Variants in SH2D4B observed in about 807,000 individuals in gnomAD.
SH2D4B encodes the protein SH2 domain-containing protein 4B.
Under a neutral mutation model 61.5 loss-of-function variants are expected in SH2D4B, and 45 were observed. That is an observed-to-expected ratio of 0.73 (90% CI 0.58 to 0.94). The LOEUF (loss-of-function observed/expected upper bound fraction) is 0.94. Ranked by LOEUF, SH2D4B falls within the 40% of genes least tolerant of loss-of-function variation. SH2D4B has a pLI of 0.00. For missense variants in SH2D4B, 572 were observed against 574.2 expected (o/e 1.00, Z 0.04); for synonymous variants, 224 against 220.4 (o/e 1.02, Z -0.14).
intron 6 of SH2D4B, among the ~76,000 whole-genome samples, chr10:80,615,160 G>T (rs549717763): frequency 2.0e-5 from 3 of 152,352 alleles, no homozygotes; most frequent in African/African-American, 7.2e-5. Context: ...GGTTGGACAG[G>T]CTGGCTGCTG....
chr10:80,625,815 C>T (rs1842762693), intron 6 of SH2D4B, among the ~76,000 whole-genome samples: 2 of 152,000 alleles, frequency 1.3e-5, no homozygotes, highest in Admixed American at 1.3e-4. Flanking sequence ...CTCAAGTGAT[C>T]TGCCCACCTC....
intron 1 of SH2D4B, among the ~76,000 whole-genome samples, chr10:80,544,593 G>A (rs117652985): frequency 1.5e-3 from 225 of 152,334 alleles, no homozygotes; most frequent in Middle Eastern, 3.4e-3. Context: ...CTTGGCTTCC[G>A]TGTGTCCTCT....
At chr10:80,561,962 T>C (rs532044627) in intron 1 of SH2D4B, among the ~76,000 whole-genome samples, 2 of 152,116 alleles carry the variant, frequency 1.3e-5, no homozygotes, top group East Asian at 3.9e-4. Flanking sequence ...ATCCACCTGC[T>C]TTCTATTAAG....
intron 4 of SH2D4B, among the ~76,000 whole-genome samples, chr10:80,591,288 A>G (rs1842323168): frequency 6.6e-6 from 1 of 152,070 alleles, no homozygotes; most frequent in Non-Finnish European, 1.5e-5. Flanking sequence ...TTTCTGGGTC[A>G]TATGGTATCT....
At chr10:80,641,161 C>T (rs549469317) in intron 7 of SH2D4B, among the ~76,000 whole-genome samples, 1 of 152,200 alleles carries the variant, frequency 6.6e-6, no homozygotes, top group Non-Finnish European at 1.5e-5. Flanking sequence ...TCCTTCCTCT[C>T]GAAGTTTCAT....
At chr10:80,611,595 T>G (rs1475904974) in intron 6 of SH2D4B, among the ~76,000 whole-genome samples, 1 of 152,170 alleles carries the variant, frequency 6.6e-6, no homozygotes, top group African/African-American at 2.4e-5. Flanking sequence ...ACCACTGTGC[T>G]TTTTCTTCAG....
At chr10:80,541,018 G>A (rs1177570772) in intron 1 of SH2D4B, 3 of 993,764 alleles carry the variant, frequency 3.0e-6, no homozygotes, top group Non-Finnish European at 1.6e-6. Flanking sequence ...GATAGGAAAG[G>A]CAAGAAACTG....
At chr10:80,598,610 G>C (rs1198997347) in intron 4 of SH2D4B, among the ~76,000 whole-genome samples, 1 of 152,098 alleles carries the variant, frequency 6.6e-6, no homozygotes, top group African/African-American at 2.4e-5. Flanking sequence ...AGCAGTTTTT[G>C]ATAAAACACC....
At chr10:80,599,304 C>G (rs1842418301) in intron 4 of SH2D4B, among the ~76,000 whole-genome samples, 2 of 119,184 alleles carry the variant, frequency 1.7e-5, no homozygotes, top group South Asian at 6.2e-4. Flanking sequence ...AGGGCTTTCT[C>G]TATCCCTTGA....
At chr10:80,592,998 C>T (rs11186200) in intron 4 of SH2D4B, among the ~76,000 whole-genome samples, 18,374 of 152,142 alleles carry the variant, frequency 0.12, 1,256 homozygotes, top group East Asian at 0.25. Context: ...GGATTACAGG[C>T]GTCAGCCACC....
At chr10:80,641,721 C>T (rs944777185) in intron 7 of SH2D4B, among the ~76,000 whole-genome samples, 17 of 152,224 alleles carry the variant, frequency 1.1e-4, no homozygotes, top group Non-Finnish European at 2.5e-4. Context: ...GATAAATGCT[C>T]CTCACTCAGG....
chr10:80,590,975 G>A (rs1292225004), intron 4 of SH2D4B, among the ~76,000 whole-genome samples: 1 of 150,700 alleles, frequency 6.6e-6, no homozygotes, highest in Non-Finnish European at 1.5e-5. Flanking sequence ...ATTGTGCTAA[G>A]TGAAGTCAGA....
intron 4 of SH2D4B, among the ~76,000 whole-genome samples, chr10:80,601,645 A>T (rs2132138293): frequency 6.6e-6 from 1 of 152,344 alleles, no homozygotes; most frequent in Middle Eastern, 3.4e-3. Flanking sequence ...CCATGGGGGC[A>T]CTTCCATAAA....
chr10:80,629,770 G>A (rs7099231), intron 6 of SH2D4B, among the ~76,000 whole-genome samples: 3 of 152,144 alleles, frequency 2.0e-5, no homozygotes, highest in East Asian at 3.8e-4. Context: ...TCAAACAGCC[G>A]TAAGACATAG....
At chr10:80,603,856 A>C in intron 5 of SH2D4B, 61 bp downstream of exon 5, 2 of 1,467,716 alleles carry the variant, frequency 1.4e-6, no homozygotes, top group Non-Finnish European at 1.9e-6. Flanking sequence ...GGCATGGGAC[A>C]CCGGGGTCCC....
intron 3 of SH2D4B, among the ~76,000 whole-genome samples, chr10:80,584,457 T>C (rs1449176945): frequency 2.0e-5 from 3 of 152,208 alleles, no homozygotes; most frequent in South Asian, 2.1e-4. Context: ...AGCTTCAAGA[T>C]GTATTAACCC....
At chr10:80,546,000 TTCTC>T (rs985402082) in intron 1 of SH2D4B, among the ~76,000 whole-genome samples, 10 of 148,450 alleles carry the variant, frequency 6.7e-5, no homozygotes, top group East Asian at 1.9e-4. Context: ...TTTCTCTCCT[TTCTC>T]TCTCTCTTTC....
At position 80,588,651 on chromosome 10, in the gene SH2D4B, A is replaced by T; in HGVS notation, c.517A>T (p.Lys173Ter). 6.2e-7 allele frequency: 1 copy of T among 1,613,976 alleles called. No homozygotes were observed. The highest frequency in any genetic ancestry group is 8.5e-7 in the Non-Finnish European group (1 of 1,180,016). The change falls in exon 4 of 8, where the codon AAG (lysine) becomes TAG (stop). Residue 173 changes from lysine to a stop codon, truncating the protein, a stop_gained. Coordinates refer to ENST00000646907, the MANE Select transcript of SH2D4B (RefSeq NM_001388272.1). LOFTEE classifies it high-confidence loss of function. ...TTAGAGGAAAGAGGAAGAGGAGAGG[A>T]AGCGAGGAGAAGAGCAGATTCGCCT... Reference protein sequence around the residue: ...EFKRKEEEERKRGEEQIRLQE... With the variant: ...EFKRKEEEER
At chr10:80,640,963 G>C (rs1384779301) in intron 7 of SH2D4B, among the ~76,000 whole-genome samples, 2 of 152,204 alleles carry the variant, frequency 1.3e-5, no homozygotes, top group Non-Finnish European at 2.9e-5. Context: ...GTGACCTACA[G>C]ATGGGGTTTT....
Sources: allele counts gnomAD v4.1 joint callset (sites outside exome capture counted in the v4.1 genomes callset), GRCh38; gene constraint gnomAD v4.1.1; transcripts MANE v1.5; gene names NCBI Gene and HGNC (gene_info 2026-07-23, HGNC 2026-07-21).